Variants in ZNF407 observed in about 807,000 individuals in gnomAD.
ZNF407 encodes the protein zinc finger protein 407.
Under a neutral mutation model 131.2 loss-of-function variants are expected in ZNF407, and 17 were observed. The observed-to-expected ratio is 0.13, with a 90% CI of 0.09 to 0.19. The LOEUF is 0.19. Among genes scored for constraint, ZNF407 ranks in the 10% least tolerant of loss-of-function variants. ZNF407 has a pLI of 1.00. For synonymous variants in ZNF407, 1,156 were observed against 1,062.0 expected (o/e 1.09, Z -1.72); for missense variants, 2,681 against 2,830.6 (o/e 0.95, Z 1.20).
At chr18:74,713,652 T>C (rs1449473428) in intron 3 of ZNF407, among the ~76,000 whole-genome samples, 2 of 152,150 alleles carry the variant, frequency 1.3e-5, no homozygotes, top group Admixed American at 6.5e-5. Context: ...TGCCCTCTTA[T>C]GTGTCATAAT....
At chr18:74,792,470 A>G (rs951092040) in intron 4 of ZNF407, among the ~76,000 whole-genome samples, 10 of 149,470 alleles carry the variant, frequency 6.7e-5, no homozygotes, top group Non-Finnish European at 1.2e-4. Context: ...TATTTTTGGC[A>G]ACTAGATAGT....
chr18:75,015,214 G>T (rs1375542676), intron 8 of ZNF407, among the ~76,000 whole-genome samples: 1 of 151,974 alleles, frequency 6.6e-6, no homozygotes, highest in African/African-American at 2.4e-5. Flanking sequence ...AAATATTTTA[G>T]GGGAAAAGTC....
intron 3 of ZNF407, among the ~76,000 whole-genome samples, chr18:74,763,736 G>A (rs1249678578): frequency 2.6e-5 from 3 of 116,260 alleles, no homozygotes; most frequent in African/African-American, 6.5e-5. Flanking sequence ...TTGAGACGGA[G>A]TCTCGCTCTG....
rs533442221 is a variant in ZNF407, at chr18:74,698,468, G to A, written c.4802+57346G>A. ...CTTCTGAGCTGGTTATATGTATTATGTGTGTATGTTTGATGTTTGCATCTT... is the reference window on the plus strand; with the variant it reads ...CTTCTGAGCTGGTTATATGTATTATATGTGTATGTTTGATGTTTGCATCTT... On this transcript the variant is annotated intron_variant, in intron 3 of 8. Transcript: ENST00000299687. Among the ~76,000 whole-genome samples, 6 of 152,284 alleles carry A rather than the reference G, an allele frequency of 3.9e-5. No homozygotes were observed. The East Asian group carries it at 9.6e-4, about 24-fold the overall frequency.
rs1380276741 is a variant in ZNF407, at chr18:74,635,719, G to A, written c.4687+13G>A. ...CGCACTCACACAGGTATGTAGCTCTGCAGCAAGCCAAGTCAGTGAGGACAT... is the reference window on the plus strand; with the variant it reads ...CGCACTCACACAGGTATGTAGCTCTACAGCAAGCCAAGTCAGTGAGGACAT... On this transcript the variant is annotated intron_variant, in intron 2 of 8. Transcript: ENST00000299687. This position sits in a 1 kb window ranked among gnomAD's most constrained non-coding sequence, Gnocchi z 4.7. 1.3e-6 allele frequency: 2 copies of A among 1,550,166 alleles called. No homozygotes were observed. Among genetic ancestry groups the A allele is most frequent in the African/African-American group, 2.7e-5 (2 of 73,016 alleles).
At chr18:74,839,390 G>T (rs558742548) in intron 4 of ZNF407, among the ~76,000 whole-genome samples, 17 of 152,206 alleles carry the variant, frequency 1.1e-4, no homozygotes, top group Non-Finnish European at 2.5e-4. Context: ...TCTGAAATCT[G>T]ATGAGCAGGT....
At chr18:74,651,079 T>G (rs1985206450) in intron 3 of ZNF407, among the ~76,000 whole-genome samples, 1 of 152,138 alleles carries the variant, frequency 6.6e-6, no homozygotes, top group African/African-American at 2.4e-5. Flanking sequence ...TTCTGGGTTG[T>G]TTTAGTCTTG....
intron 8 of ZNF407, among the ~76,000 whole-genome samples, chr18:74,983,812 A>T (rs1282207136): frequency 6.6e-6 from 1 of 152,178 alleles, no homozygotes; most frequent in Non-Finnish European, 1.5e-5. Flanking sequence ...TGTGGAGCCT[A>T]AGAGGAGAAA....
intron 8 of ZNF407, among the ~76,000 whole-genome samples, chr18:75,060,926 C>T (rs1973625927): frequency 2.0e-5 from 3 of 152,316 alleles, no homozygotes; most frequent in East Asian, 1.9e-4. Context: ...AATCCAGGAC[C>T]GTGTTCCTCC....
intron 1 of ZNF407, among the ~76,000 whole-genome samples, chr18:74,606,531 C>T (rs1444109848): frequency 6.6e-6 from 1 of 152,166 alleles, no homozygotes; most frequent in Non-Finnish European, 1.5e-5. Flanking sequence ...GTGTGAGCCA[C>T]TGCACCCAGC....
chr18:74,893,892 T>C (rs1334138837), intron 7 of ZNF407, among the ~76,000 whole-genome samples: 1 of 152,144 alleles, frequency 6.6e-6, no homozygotes, highest in Non-Finnish European at 1.5e-5. Flanking sequence ...AGTATTCCTA[T>C]ATTTGCCATT....
intron 3 of ZNF407, among the ~76,000 whole-genome samples, chr18:74,724,106 CACTT>C (rs1488485946): frequency 6.6e-6 from 1 of 152,012 alleles, no homozygotes; most frequent in African/African-American, 2.4e-5. Flanking sequence ...TGAAAAAAAT[CACTT>C]AATCTACTTT....
In ZNF407 at chr18:74,729,212, G is replaced by A. The variant is rs117110013; in HGVS notation, c.4803-52216G>A. ...TAGTACTATTATGGAGTGATGGTCC[G>A]TGGAAGAGAACAATATACTTATTAC... is the stretch of plus-strand genomic sequence containing the variant. On this transcript the variant is annotated intron_variant, in intron 3 of 8. Transcript: ENST00000299687. 3.2e-4 allele frequency among the ~76,000 whole-genome samples: 48 copies of A among 152,266 alleles called. No homozygotes were observed. In the East Asian group the frequency reaches 6.6e-3, roughly 21 times the overall value.
chr18:74,998,622 GAA>G (rs2094787235), intron 8 of ZNF407, among the ~76,000 whole-genome samples: 1 of 149,420 alleles, frequency 6.7e-6, no homozygotes, highest in Non-Finnish European at 1.5e-5. Flanking sequence ...GGCCATCAGA[GAA>G]ATGCAAATCA....
At chr18:74,648,392 G>A (rs1985072967) in intron 3 of ZNF407, among the ~76,000 whole-genome samples, 1 of 152,118 alleles carries the variant, frequency 6.6e-6, no homozygotes, top group African/African-American at 2.4e-5. Context: ...GGTGGGCAGG[G>A]GTCAGGTCAC....
intron 3 of ZNF407, among the ~76,000 whole-genome samples, chr18:74,700,959 G>A (rs716465): frequency 0.014 from 2,201 of 152,208 alleles, 62 homozygotes; most frequent in African/African-American, 0.051. Context: ...ATTACCAAAC[G>A]TGACAGTATT....
chr18:75,011,333 A>G (rs1027039064), intron 8 of ZNF407, among the ~76,000 whole-genome samples: 6 of 152,142 alleles, frequency 3.9e-5, no homozygotes, highest in African/African-American at 1.4e-4. Flanking sequence ...TTTGAATACT[A>G]TACATTTAAT....
chr18:74,694,420 T>G (rs1967303399), intron 3 of ZNF407, among the ~76,000 whole-genome samples: 1 of 151,728 alleles, frequency 6.6e-6, no homozygotes, highest in South Asian at 2.1e-4. Flanking sequence ...TAGCTCCCTT[T>G]ATTAATTTTT....
intron 3 of ZNF407, among the ~76,000 whole-genome samples, chr18:74,673,267 T>G (rs562274160): frequency 6.6e-4 from 100 of 152,196 alleles, no homozygotes; most frequent in Non-Finnish European, 1.3e-3. Flanking sequence ...GACAGAATTC[T>G]GAAGTCAGTT....
Sources: gnomAD v4.1 joint callset for allele counts (sites outside exome capture counted in the v4.1 genomes callset) on GRCh38, gnomAD v4.1.1 for gene constraint, Gnocchi (gnomAD v3.1) non-coding constraint, MANE v1.5 for transcripts, NCBI Gene and HGNC (gene_info 2026-07-23, HGNC 2026-07-21) for gene names.